Variants in APOOL observed in about 807,000 individuals in gnomAD.
The protein encoded by APOOL is MICOS complex subunit MIC27.
APOOL carries 12 observed loss-of-function variants against 23.1 expected under a neutral mutation model. The ratio of observed to expected loss-of-function variants is 0.52; its 90% CI spans 0.33 to 0.84. The LOEUF (loss-of-function observed/expected upper bound fraction) is 0.84, where lower values mean the gene tolerates loss of function less well. Among genes scored for constraint, APOOL ranks in the 40% least tolerant of loss-of-function variants. The pLI, the probability that APOOL is intolerant of heterozygous loss-of-function variation, is 0.02. For synonymous variants in APOOL, 77 were observed against 69.9 expected, an observed-to-expected ratio of 1.10 and a Z score of -0.51; for missense variants, 212 against 199.6, an observed-to-expected ratio of 1.06 and a Z score of -0.37.
intron 1 of APOOL, among the ~76,000 whole-genome samples, chrX:85,042,933 C>T (rs1223652505): frequency 1.8e-5 from 2 of 112,001 alleles, no homozygotes; most frequent in South Asian, 3.7e-4. Flanking sequence ...ACAGGAAGCT[C>T]GCCCTGTATT....
At chrX:85,081,832 A>G (rs780021534) in intron 8 of APOOL, among the ~76,000 whole-genome samples, 6 of 110,927 alleles carry the variant, frequency 5.4e-5, no homozygotes, top group Non-Finnish European at 9.4e-5. Context: ...ACTTTATTTC[A>G]TTAATTTTTC....
intron 1 of APOOL, among the ~76,000 whole-genome samples, chrX:85,045,954 A>C (rs995806490): frequency 2.7e-5 from 3 of 111,368 alleles, no homozygotes; most frequent in African/African-American, 9.8e-5. Flanking sequence ...TCAACTTATA[A>C]TATAACATAT....
intron 1 of APOOL, among the ~76,000 whole-genome samples, chrX:85,007,224 C>T (rs974432785): frequency 4.5e-5 from 5 of 111,246 alleles, no homozygotes; most frequent in Non-Finnish European, 9.4e-5. Flanking sequence ...AAGTGAGGGC[C>T]TGGCTAATGT....
intron 8 of APOOL, among the ~76,000 whole-genome samples, chrX:85,078,765 G>A (rs1196102518): frequency 9.0e-6 from 1 of 110,611 alleles, no homozygotes; most frequent in Non-Finnish European, 1.9e-5. Context: ...CTTTTATTTT[G>A]TTGAGCAGTG....
chrX:85,032,182 T>A (rs1922058682), intron 1 of APOOL, among the ~76,000 whole-genome samples: 1 of 112,486 alleles, frequency 8.9e-6, no homozygotes, highest in Non-Finnish European at 1.9e-5. Context: ...AAAGTGGAAT[T>A]TTGCTGATCT....
chrX:85,027,435 A>G (rs1921883042), intron 1 of APOOL, among the ~76,000 whole-genome samples: 1 of 111,431 alleles, frequency 9.0e-6, no homozygotes, highest in Non-Finnish European at 1.9e-5. Flanking sequence ...ATATTGGAGC[A>G]ACTCTGGTTT....
chrX:85,023,267 C>T (rs1045094277), intron 1 of APOOL, among the ~76,000 whole-genome samples: 4 of 111,568 alleles, frequency 3.6e-5, no homozygotes, highest in South Asian at 7.5e-4. Flanking sequence ...ATCAGTGTTT[C>T]TATACACTAA....
intron 8 of APOOL, among the ~76,000 whole-genome samples, chrX:85,075,803 A>T (rs1923818340): frequency 1.8e-5 from 2 of 111,756 alleles, no homozygotes; most frequent in Admixed American, 1.9e-4. Flanking sequence ...TATGAAAAGC[A>T]TTCTATGGAG....
At position 85,088,923 on chromosome X, in the gene APOOL, A is replaced by G. The variant is rs1288205798; in HGVS notation, c.*1245A>G. ...AGGTCTTCTCTGTCTTAAATCAACA[A>G]TAACAAAACAAGACAAAAACCTTTC... On this transcript the variant is annotated 3_prime_UTR_variant, in exon 9 of 9. Transcript: ENST00000373173. 3.6e-5 allele frequency: 4 copies of G among 111,330 alleles called. No homozygotes were observed. The highest frequency in any genetic ancestry group is 9.8e-5 in the African/African-American group (3 of 30,550). 9.2% of individuals were successfully genotyped at this position (111,330 alleles called of 1,213,427 possible). A position where few individuals can be genotyped will look rare whatever the true frequency, so the allele number is the denominator to read the frequency against.
intron 6 of APOOL, 46 bp downstream of exon 6, chrX:85,067,264 C>T (rs1462343201): frequency 2.8e-5 from 24 of 861,650 alleles, no homozygotes; most frequent in Non-Finnish European, 3.9e-5. Flanking sequence ...TTTGTTTAAA[C>T]TCTCAATGTG....
rs1277017072 is a variant in APOOL at position 85,092,463 on chromosome X, A to G, written c.*4785A>G. The G allele has an allele frequency of 3.9e-5, 47 of 1,203,648 alleles. No homozygotes were observed. Among genetic ancestry groups the G allele is most frequent in the Non-Finnish European group, 5.2e-5 (46 of 891,930 alleles). ...AGAGATGCCAGCCCTCCTCAGAGGA[A>G]AGGTCTAAAGCCCCTCGACTAGTAT... On this transcript the variant is annotated 3_prime_UTR_variant, in exon 9 of 9. Coordinates refer to ENST00000373173, the MANE Select transcript of APOOL (RefSeq NM_198450.6).
chrX:85,057,918 G>C (rs2147651006), intron 5 of APOOL, among the ~76,000 whole-genome samples: 1 of 110,900 alleles, frequency 9.0e-6, no homozygotes, highest in African/African-American at 3.3e-5. Flanking sequence ...TACCATTCTT[G>C]TAAGAGAAAA....
chrX:85,039,735 A>G (rs948893014), intron 1 of APOOL, among the ~76,000 whole-genome samples: 5 of 110,811 alleles, frequency 4.5e-5, no homozygotes, highest in African/African-American at 1.3e-4. Flanking sequence ...GCCCTTTTTC[A>G]TATTGTGTTT....
At position 85,038,530 on chromosome X, in the gene APOOL, T is replaced by G. The variant is rs1000320605; in HGVS notation, c.16-7916T>G. On this transcript the variant is annotated intron_variant, in intron 1 of 8. Coordinates refer to ENST00000373173, the MANE Select transcript of APOOL (RefSeq NM_198450.6). ...GTGAATCTATCTGGTACAAGTTTTTTTTTTTTTTTTTTTTTTTTTTCTGGT... is the reference window on the plus strand; with the variant it reads ...GTGAATCTATCTGGTACAAGTTTTTGTTTTTTTTTTTTTTTTTTTTCTGGT... Among the ~76,000 whole-genome samples, 13 of 96,883 alleles carry G rather than the reference T, an allele frequency of 1.3e-4. No homozygotes were observed. In the East Asian group the frequency reaches 3.4e-3, roughly 25 times the overall value. The allele number at this position is 96,883 out of a possible 115,157, so 84.1% of individuals were successfully genotyped here.
intron 4 of APOOL, among the ~76,000 whole-genome samples, chrX:85,055,275 A>G (rs1480574015): frequency 8.9e-6 from 1 of 112,001 alleles, no homozygotes; most frequent in East Asian, 2.8e-4. Flanking sequence ...TAGAAAGCCA[A>G]GAACTACTCT....
chrX:85,020,564 C>T (rs919786484), intron 1 of APOOL, among the ~76,000 whole-genome samples: 7 of 111,380 alleles, frequency 6.3e-5, no homozygotes, highest in African/African-American at 1.3e-4. Context: ...CCCACAGACC[C>T]GGGCTCCAGA....
intron 3 of APOOL, among the ~76,000 whole-genome samples, chrX:85,052,353 G>C (rs1210933029): frequency 8.9e-6 from 1 of 111,934 alleles, no homozygotes; most frequent in African/African-American, 3.2e-5. Context: ...CATCAGCAGA[G>C]TGGTGGAGTA....
intron 1 of APOOL, among the ~76,000 whole-genome samples, chrX:85,021,262 C>T (rs925344654): frequency 3.6e-4 from 40 of 110,877 alleles, no homozygotes; most frequent in African/African-American, 1.3e-3. Flanking sequence ...CCCCAGAACC[C>T]AGGCCAGTCC....
chrX:85,031,571 C>G (rs933587033), intron 1 of APOOL, among the ~76,000 whole-genome samples: 4 of 111,613 alleles, frequency 3.6e-5, no homozygotes, highest in Admixed American at 1.9e-4. Flanking sequence ...GCCAGTCCTT[C>G]AGTGAAGGGC....
Sources: gnomAD v4.1 joint callset for allele counts (sites outside exome capture counted in the v4.1 genomes callset) on GRCh38, gnomAD v4.1.1 for gene constraint, MANE v1.5 for transcripts, NCBI Gene and HGNC (gene_info 2026-07-23, HGNC 2026-07-21) for gene names.